The following LARP4 variants were observed in gnomAD, a reference collection of about 807,000 sequenced individuals.
The protein encoded by LARP4 is la-related protein 4.
Under a neutral mutation model 92.9 loss-of-function variants are expected in LARP4, and 29 were observed. That is an observed-to-expected ratio of 0.31 (90% CI 0.23 to 0.43). The LOEUF is 0.43. Ranked by LOEUF, LARP4 falls within the 20% of genes least tolerant of loss-of-function variation. The pLI, the probability that LARP4 is intolerant of heterozygous loss-of-function variation, is 1.00. For synonymous variants in LARP4, 279 were observed against 284.1 expected (o/e 0.98, Z 0.18); for missense variants, 732 against 860.0 (o/e 0.85, Z 1.86).
In LARP4 at chr12:50,401,232, T is replaced by C. The variant is rs1943761645; in HGVS notation, c.18+204T>C. ...AGGAAGCTATGGGAGGTGAGGCCCG[T>C]AGTGGAGAAGAATTGAAGGAGAAAA... On this transcript the variant is annotated intron_variant, in intron 1 of 15. Coordinates refer to ENST00000398473, the MANE Select transcript of LARP4 (RefSeq NM_052879.5). 5 of 649,042 alleles carry C rather than the reference T, an allele frequency of 7.7e-6. No homozygotes were observed. The East Asian group carries it at 1.3e-4, about 17-fold the overall frequency. The allele number at this position is 649,042 out of a possible 1,614,324, so 40.2% of individuals were successfully genotyped here.
At chr12:50,433,988 C>T (rs569896340) in intron 4 of LARP4, among the ~76,000 whole-genome samples, 6 of 152,216 alleles carry the variant, frequency 3.9e-5, no homozygotes, top group Admixed American at 2.0e-4. Flanking sequence ...CTGCTCCTTG[C>T]CAGGCACTAG....
At position 50,461,247 on chromosome 12, in the gene LARP4, C is replaced by G. The variant is rs771888389; in HGVS notation, c.1234C>G (p.Arg412Gly). Residue 412 changes from arginine to glycine, a missense_variant, in exon 11 of 16, where the codon CGG becomes GGG. By Grantham distance (125) the Arg-to-Gly change is moderately radical. This residue lies in a region of LARP4 where 264 missense variants were observed against 269.5 expected (regional missense o/e 0.98). Transcript: ENST00000398473. ...TAGTTCAAGAAACTTTCCAGCTGAA[C>G]GGCATAACCCCACAGTAACTGGGCA... ...RYSSRNFPAE[R>G]HNPTVTGHQE... The G allele has an allele frequency of 6.2e-7, 1 of 1,613,998 alleles. No homozygotes were observed. Among genetic ancestry groups the G allele is most frequent in the Non-Finnish European group, 8.5e-7 (1 of 1,179,996 alleles).
intron 1 of LARP4, among the ~76,000 whole-genome samples, chr12:50,410,397 G>A (rs1945652267): frequency 6.6e-6 from 1 of 150,826 alleles, no homozygotes; most frequent in Admixed American, 6.6e-5. Flanking sequence ...TATTAATACA[G>A]GATTCTTTAT....
chr12:50,462,621 C>T lies in LARP4; in HGVS notation c.1374C>T (p.Asp458=), dbSNP rs1955584619. 7.4e-7 allele frequency: 1 copy of T among 1,352,892 alleles called. No homozygotes were observed. The highest frequency in any genetic ancestry group is 2.2e-5 in the Admixed American group (1 of 46,200). The allele number at this position is 1,352,892 out of a possible 1,614,324, so 83.8% of individuals were successfully genotyped here. Residue 458 remains aspartate (D), a synonymous_variant, in exon 12 of 16, where the codon GAC becomes GAT. Transcript: ENST00000398473. ...LFRGRRRRED[D]RISRPHPSTA... ...GAGGTCGAAGACGACGAGAAGATGA[C>T]AGGATCTCAGTAAGTTTTTTAAAAC...
At chr12:50,418,247 C>T (rs1592853594) in intron 1 of LARP4, among the ~76,000 whole-genome samples, 1 of 152,160 alleles carries the variant, frequency 6.6e-6, no homozygotes, top group Non-Finnish European at 1.5e-5. Flanking sequence ...GTGGATCCAC[C>T]AACCTTCGCC....
intron 5 of LARP4, 82 bp from the exon 6 acceptor site, chr12:50,437,653 T>C: frequency 1.3e-6 from 1 of 755,758 alleles, no homozygotes; most frequent in Non-Finnish European, 2.2e-6. Flanking sequence ...CAGTTGGAAA[T>C]TAAAATGAAT....
In LARP4 at chr12:50,479,284, A is replaced by G. The variant is rs1449254386; in HGVS notation, c.*3420A>G. On this transcript the variant is annotated 3_prime_UTR_variant, in exon 16 of 16. Transcript: ENST00000398473. ...TATTAACCATATTTTAAAAGTACCA[A>G]TTTTGTTTTTACAGAAAAGATAAAA... 2 of 152,592 alleles carry G rather than the reference A, an allele frequency of 1.3e-5. No homozygotes were observed. Among genetic ancestry groups the G allele is most frequent in the African/African-American group, 4.8e-5 (2 of 41,444 alleles). 9.5% of individuals were successfully genotyped at this position (152,592 alleles called of 1,614,324 possible).
chr12:50,436,583 G>A (rs1950499091), intron 5 of LARP4, among the ~76,000 whole-genome samples: 2 of 152,074 alleles, frequency 1.3e-5, no homozygotes, highest in Admixed American at 1.3e-4. Context: ...GAGTTGCTGT[G>A]GGCAGTTTGA....
chr12:50,446,671 C>T (rs888624276), intron 8 of LARP4, among the ~76,000 whole-genome samples: 2 of 150,898 alleles, frequency 1.3e-5, no homozygotes, highest in Admixed American at 1.3e-4. Flanking sequence ...TTGTGATCCG[C>T]CCGCCTCAGC....
At position 50,468,308 on chromosome 12, in the gene LARP4, T is replaced by C. The variant is rs552804566; in HGVS notation, c.1545+1188T>C. 3.3e-5 allele frequency among the ~76,000 whole-genome samples: 5 copies of C among 149,362 alleles called. No individual in the cohort carries two copies. The East Asian group carries it at 1.0e-3, about 30-fold the overall frequency. On this transcript the variant is annotated intron_variant, in intron 13 of 15. Transcript: ENST00000398473. ...TTTCTAATTAACTTTTTTTTTCTTT[T>C]TTTTGAGACAGAGTCTCGCTCGTAG...
At chr12:50,415,505 A>T (rs1049210878) in intron 1 of LARP4, among the ~76,000 whole-genome samples, 4 of 152,122 alleles carry the variant, frequency 2.6e-5, no homozygotes, top group African/African-American at 9.7e-5. Context: ...TTGGATATTT[A>T]TAAATTAATT....
chr12:50,475,501 GTTT>G, intron 15 of LARP4, 22 bp from the exon 16 acceptor site: 1 of 1,505,436 alleles, frequency 6.6e-7, no homozygotes, highest in East Asian at 2.3e-5. Context: ...TACCATAAAT[GTTT>G]TTTTTTATCA....
chr12:50,416,432 A>G (rs1042981501), intron 1 of LARP4: 9 of 152,270 alleles, frequency 5.9e-5, no homozygotes, highest in African/African-American at 2.2e-4. Context: ...ATGGGAGGCT[A>G]AGGTGGGTGA....
chr12:50,403,897 A>G (rs940687220), intron 1 of LARP4, among the ~76,000 whole-genome samples: 1 of 149,882 alleles, frequency 6.7e-6, no homozygotes, highest in African/African-American at 2.5e-5. Flanking sequence ...AAGTCTCAAT[A>G]TCTCTATGAG....
chr12:50,477,489 ATATAT>A lies in LARP4; in HGVS notation c.*1628_*1632del, dbSNP rs1433659179. 6.6e-6 allele frequency: 1 copy of A among 152,558 alleles called. No individual in the cohort carries two copies. The highest frequency in any genetic ancestry group is 1.5e-5 in the Non-Finnish European group (1 of 67,990). The allele number at this position is 152,558 out of a possible 1,614,324, so 9.5% of individuals were successfully genotyped here. A position where few individuals can be genotyped will look rare whatever the true frequency, so the allele number is the denominator to read the frequency against. On this transcript the variant is annotated 3_prime_UTR_variant, in exon 16 of 16. Transcript: ENST00000398473. ...GTGACATAGAGTAAACATCTTAGTAATATATTAAAGTGAATGTAAATGGTGGTTAA... is the reference window on the plus strand; with the variant it reads ...GTGACATAGAGTAAACATCTTAGTAATAAAGTGAATGTAAATGGTGGTTAA...
At chr12:50,435,388 TA>T in intron 4 of LARP4, 99 bp from the exon 5 acceptor site, 1 of 723,608 alleles carries the variant, frequency 1.4e-6, no homozygotes, top group Non-Finnish European at 2.4e-6. Context: ...AGAATAATCT[TA>T]TTTCCATGCA....
intron 1 of LARP4, among the ~76,000 whole-genome samples, chr12:50,408,578 CAAAT>C (rs1201678825): frequency 1.3e-5 from 2 of 152,092 alleles, no homozygotes; most frequent in Non-Finnish European, 2.9e-5. Context: ...GTTTGTGTAA[CAAAT>C]AGTTCGATAG....
At chr12:50,454,274 C>G in intron 9 of LARP4, 40 bp from the exon 10 acceptor site, 1 of 1,485,892 alleles carries the variant, frequency 6.7e-7, no homozygotes, top group Non-Finnish European at 9.3e-7. Flanking sequence ...CAGATTTTAC[C>G]TTTGCCATTA....
chr12:50,434,411 C>CT lies in LARP4; in HGVS notation c.399-1064dup, dbSNP rs1292182964. The stretch of plus-strand genomic sequence containing the variant: ...TATTAAATATATATTTTTTATTTTT[C>CT]TTTTTTTTTTTTTGTTTATGTTTTG... On this transcript the variant is annotated intron_variant, in intron 4 of 15. Coordinates refer to ENST00000398473, the MANE Select transcript of LARP4 (RefSeq NM_052879.5). 8.8e-3 allele frequency among the ~76,000 whole-genome samples: 1,199 copies of CT among 136,990 alleles called. 15 individuals carry two copies. The highest frequency in any genetic ancestry group is 0.029 in the African/African-American group (1,096 of 37,454). The allele number at this position is 136,990 out of a possible 152,430, so 89.9% of individuals were successfully genotyped here.
Sources: gnomAD v4.1 joint callset for allele counts (sites outside exome capture counted in the v4.1 genomes callset) on GRCh38, gnomAD v4.1.1 for gene constraint, gnomAD v4.1.1 regional missense constraint, MANE v1.5 for transcripts, NCBI Gene and HGNC (gene_info 2026-07-23, HGNC 2026-07-21) for gene names.